Variants in CXCL13 observed in about 807,000 individuals in gnomAD.
CXCL13 encodes the protein C-X-C motif chemokine ligand 13.
CXCL13 carries 7 observed loss-of-function variants against 12.2 expected under a neutral mutation model. The ratio of observed to expected loss-of-function variants is 0.57; its 90% CI spans 0.33 to 1.07. The LOEUF (loss-of-function observed/expected upper bound fraction) is 1.07. Among genes scored for constraint, CXCL13 ranks in the 50% least tolerant of loss-of-function variants. The pLI is 0.04. For missense variants in CXCL13, 113 were observed against 127.4 expected, an observed-to-expected ratio of 0.89 and a Z score of 0.55; for synonymous variants, 47 against 42.4, an observed-to-expected ratio of 1.11 and a Z score of -0.42.
chr4:77,519,811 T>C (rs1335821658), intron 1 of CXCL13, among the ~76,000 whole-genome samples: 2 of 152,228 alleles, frequency 1.3e-5, no homozygotes, highest in Non-Finnish European at 2.9e-5. Context: ...CTGAATGGTA[T>C]TGCCTAGGTT....
At chr4:77,525,242 G>C (rs1467385524) in intron 1 of CXCL13, among the ~76,000 whole-genome samples, 2 of 152,198 alleles carry the variant, frequency 1.3e-5, no homozygotes, top group Non-Finnish European at 2.9e-5. Flanking sequence ...CTCTGTCTCA[G>C]AGCACACCGA....
intron 1 of CXCL13, among the ~76,000 whole-genome samples, chr4:77,546,042 G>T (rs1016929403): frequency 1.3e-5 from 2 of 152,102 alleles, no homozygotes; most frequent in Non-Finnish European, 2.9e-5. Flanking sequence ...TTATATGATG[G>T]ATTACATTTA....
intron 1 of CXCL13, among the ~76,000 whole-genome samples, chr4:77,554,171 C>T (rs1285551596): frequency 6.6e-6 from 1 of 152,130 alleles, no homozygotes; most frequent in Non-Finnish European, 1.5e-5. Context: ...AGCATTCCCT[C>T]ATCAATTGTG....
chr4:77,544,748 T>C (rs1056478547), intron 1 of CXCL13, among the ~76,000 whole-genome samples: 2 of 152,240 alleles, frequency 1.3e-5, no homozygotes, highest in African/African-American at 4.8e-5. Flanking sequence ...CTCTTTAGTT[T>C]AATTAGATCT....
intron 1 of CXCL13, among the ~76,000 whole-genome samples, chr4:77,522,256 G>A (rs934153178): frequency 6.6e-6 from 1 of 151,740 alleles, no homozygotes; most frequent in African/African-American, 2.4e-5. Context: ...TTCAATTCCT[G>A]GATATCTGTC....
At chr4:77,523,657 T>A (rs1724678311) in intron 1 of CXCL13, among the ~76,000 whole-genome samples, 1 of 152,236 alleles carries the variant, frequency 6.6e-6, no homozygotes, top group South Asian at 2.1e-4. Context: ...GGTTAGAACA[T>A]GCTCCTTTAG....
chr4:77,607,360 G>A (rs971624683), intron 1 of CXCL13, among the ~76,000 whole-genome samples: 1 of 151,962 alleles, frequency 6.6e-6, no homozygotes, highest in Non-Finnish European at 1.5e-5. Flanking sequence ...TGCTTTGTTT[G>A]TTTGCTTTCT....
chr4:77,518,397 C>G (rs1250214076), intron 1 of CXCL13, among the ~76,000 whole-genome samples: 1 of 152,212 alleles, frequency 6.6e-6, no homozygotes, highest in African/African-American at 2.4e-5. Context: ...TGTTTTCCAA[C>G]TTGGTTCCAT....
At chr4:77,556,634 T>C (rs1725666116) in intron 1 of CXCL13, among the ~76,000 whole-genome samples, 1 of 152,182 alleles carries the variant, frequency 6.6e-6, no homozygotes, top group Admixed American at 6.5e-5. Flanking sequence ...ATTGTGATAA[T>C]CTTACAAAAT....
intron 1 of CXCL13, among the ~76,000 whole-genome samples, chr4:77,564,844 G>T (rs1052984579): frequency 1.3e-5 from 2 of 152,176 alleles, no homozygotes; most frequent in African/African-American, 4.8e-5. Context: ...AAAAGAGAAA[G>T]GCTGTGTCCC....
chr4:77,521,751 A>G (rs1578034171), intron 1 of CXCL13, among the ~76,000 whole-genome samples: 1 of 151,852 alleles, frequency 6.6e-6, no homozygotes, highest in East Asian at 1.9e-4. Context: ...GCCTTCTGCT[A>G]GCTTTTGAAT....
At chr4:77,608,722 C>T (rs1202986417) in intron 2 of CXCL13, among the ~76,000 whole-genome samples, 1 of 152,168 alleles carries the variant, frequency 6.6e-6, no homozygotes, top group African/African-American at 2.4e-5. Context: ...GGTAGTTTTT[C>T]ACTAGAAAGG....
chr4:77,542,598 T>C (rs1013465219), intron 1 of CXCL13, among the ~76,000 whole-genome samples: 1 of 152,090 alleles, frequency 6.6e-6, no homozygotes, highest in African/African-American at 2.4e-5. Flanking sequence ...GAGATTTGGG[T>C]GGGGACACAG....
chr4:77,549,787 T>G (rs1318712087), intron 1 of CXCL13, among the ~76,000 whole-genome samples: 1 of 152,238 alleles, frequency 6.6e-6, no homozygotes, highest in Non-Finnish European at 1.5e-5. Context: ...GTTAGGCTAC[T>G]TGGGGGTCAG....
At chr4:77,569,757 C>T (rs1189254738) in intron 1 of CXCL13, among the ~76,000 whole-genome samples, 1 of 152,164 alleles carries the variant, frequency 6.6e-6, no homozygotes, top group Non-Finnish European at 1.5e-5. Context: ...ACATTCTTCA[C>T]AGAACTAGAA....
At chr4:77,538,776 C>T (rs115105928) in intron 1 of CXCL13, among the ~76,000 whole-genome samples, 507 of 152,150 alleles carry the variant, frequency 3.3e-3, no homozygotes, top group African/African-American at 0.011. Context: ...TTCCACTGTA[C>T]GTGTGGGCAA....
chr4:77,540,391 A>T (rs912463861), intron 1 of CXCL13, among the ~76,000 whole-genome samples: 4 of 151,892 alleles, frequency 2.6e-5, no homozygotes, highest in African/African-American at 9.7e-5. Context: ...CCAATAGTTA[A>T]TTTTTCAACT....
rs760939167 is a variant in CXCL13, at chr4:77,611,030, G to A, written c.321G>A (p.Lys107=). ...TACCAGTTCCAGTGTTTAAGAGAAA[G>A]ATTCCCTGATGCTGATATTTCCACT... ...STLPVPVFKR[K]IP is the part of the protein sequence containing the mutation. The change falls in exon 4 of 4, where the codon AAG becomes AAA. Residue 107 remains lysine (K), a synonymous_variant. Coordinates refer to ENST00000682537, the MANE Select transcript of CXCL13 (RefSeq NM_001371558.1). The A allele has an allele frequency of 4.3e-6, 7 of 1,610,568 alleles. No homozygotes were observed. The highest frequency in any genetic ancestry group is 1.3e-5 in the African/African-American group (1 of 74,904).
At chr4:77,586,091 T>C (rs1253990202) in intron 1 of CXCL13, among the ~76,000 whole-genome samples, 1 of 152,150 alleles carries the variant, frequency 6.6e-6, no homozygotes, top group Non-Finnish European at 1.5e-5. Flanking sequence ...TAATTCAGGC[T>C]GTGCAGTTTT....
Sources: gnomAD v4.1 joint callset for allele counts (sites outside exome capture counted in the v4.1 genomes callset) on GRCh38, gnomAD v4.1.1 for gene constraint, MANE v1.5 for transcripts, NCBI Gene and HGNC (gene_info 2026-07-23, HGNC 2026-07-21) for gene names.